Variants in RYR2 observed in about 807,000 individuals in gnomAD.
The protein encoded by RYR2 is cardiac muscle ryanodine receptor-calcium release channel.
Under a neutral mutation model 601.1 loss-of-function variants are expected in RYR2, and 227 were observed. That is an observed-to-expected ratio of 0.38 (90% CI 0.34 to 0.42). RYR2 has a LOEUF of 0.42. Ranked by LOEUF, RYR2 falls within the 10% of genes least tolerant of loss-of-function variation. RYR2 has a pLI of 1.00. For synonymous variants in RYR2, 2,223 were observed against 2,175.1 expected (o/e 1.02, Z -0.61); for missense variants, 4,646 against 6,156.5 (o/e 0.75, Z 8.21).
chr1:237,137,276 C>T (rs2148734958), intron 1 of RYR2, among the ~76,000 whole-genome samples: 1 of 152,246 alleles, frequency 6.6e-6, no homozygotes, highest in South Asian at 2.1e-4. Flanking sequence ...GTACTTACCC[C>T]TCCCATGGTC....
At position 237,610,823 on chromosome 1, in the gene RYR2, G is replaced by GC. The variant is rs766543639; in HGVS notation, c.4751dup (p.Arg1585AlafsTer29). The GC allele has an allele frequency of 1.2e-6, 2 of 1,612,148 alleles. No individual in the cohort carries two copies. The highest frequency in any genetic ancestry group is 1.7e-6 in the Non-Finnish European group (2 of 1,179,290). On this transcript the variant is annotated frameshift_variant, in exon 36 of 105. Transcript: ENST00000366574. LOFTEE classifies it high-confidence loss of function. This position sits in a 1 kb window ranked among gnomAD's most constrained non-coding sequence, Gnocchi z 4.9. ...GAGCACAAGAACCCCGTGCCGCAGT[G>GC]CCCCCCGCGCCTCCACGTGCAGTTC... is the stretch of plus-strand genomic sequence containing the variant.
chr1:237,503,140 A>C, intron 21 of RYR2, 149 bp from the exon 22 acceptor site: 1 of 649,370 alleles, frequency 1.5e-6, no homozygotes, highest in Non-Finnish European at 2.6e-6. Flanking sequence ...CTTGAATTCT[A>C]AGGTGATCAC....
chr1:237,505,588 C>G (rs919415665), intron 22 of RYR2, among the ~76,000 whole-genome samples: 3 of 152,090 alleles, frequency 2.0e-5, no homozygotes, highest in Admixed American at 2.0e-4. Flanking sequence ...ATAGTGCAAC[C>G]TAAGTTTATA....
At chr1:237,508,804 G>A (rs892275925) in intron 23 of RYR2, among the ~76,000 whole-genome samples, 49 of 144,810 alleles carry the variant, frequency 3.4e-4, no homozygotes, top group African/African-American at 1.0e-3. Context: ...GTGCAGTGGC[G>A]GGATCTCGGC....
At chr1:237,579,335 C>G (rs865959450) in intron 29 of RYR2, among the ~76,000 whole-genome samples, 2 of 143,428 alleles carry the variant, frequency 1.4e-5, no homozygotes, top group Middle Eastern at 3.9e-3. Context: ...TGGCTCACTG[C>G]AACCCCCGCC....
At position 237,795,797 on chromosome 1, in the gene RYR2, C is replaced by T. The variant is rs536192807; in HGVS notation, c.13956+466C>T. On this transcript the variant is annotated intron_variant, in intron 96 of 104. Transcript: ENST00000366574. ...CACATAATGGCCGGGCGCGGTGGCTCACGCCTGTATGTATATACAGGTATG... is the reference window on the plus strand; with the variant it reads ...CACATAATGGCCGGGCGCGGTGGCTTACGCCTGTATGTATATACAGGTATG... Among the ~76,000 whole-genome samples the T allele has an allele frequency of 1.8e-3, 265 of 147,350 alleles. 3 individuals are homozygous for T. The highest frequency in any genetic ancestry group is 2.9e-3 in the Non-Finnish European group (193 of 67,074).
At chr1:237,476,028 A>T (rs1661356097) in intron 17 of RYR2, among the ~76,000 whole-genome samples, 1 of 152,202 alleles carries the variant, frequency 6.6e-6, no homozygotes, top group Non-Finnish European at 1.5e-5. Context: ...TTTGGGGGCA[A>T]GAGATAGCTG....
intron 29 of RYR2, among the ~76,000 whole-genome samples, chr1:237,571,397 C>T (rs2779406): frequency 0.34 from 51,615 of 150,234 alleles, 10,620 homozygotes; most frequent in Admixed American, 0.46. Flanking sequence ...TCACTGCAAC[C>T]TCCGCCTCCC....
chr1:237,423,206 A>T lies in RYR2; in HGVS notation c.963A>T (p.Lys321Asn), dbSNP rs794728717. 6.2e-7 allele frequency: 1 copy of T among 1,613,792 alleles called. No homozygotes were observed. The highest frequency in any genetic ancestry group is 8.5e-7 in the Non-Finnish European group (1 of 1,179,806). The change falls in exon 12 of 105, where the codon AAA becomes AAT. Residue 321 changes from lysine to asparagine, a missense_variant. Physicochemically the swap from Lys to Asn is moderately conservative, Grantham distance 94. This residue lies in a region of RYR2 where 1,807 missense variants were observed against 2,088.1 expected (regional missense o/e 0.87). Transcript: ENST00000366574. ...ACCTTCTACTCATGGACAAAGAGAA[A>T]GCTGATGTAAAATCAACAGCATTTA... Reference protein sequence around the residue: ...DKNLLLMDKEKADVKSTAFTF... With the variant: ...DKNLLLMDKENADVKSTAFTF...
intron 61 of RYR2, among the ~76,000 whole-genome samples, chr1:237,679,205 C>T (rs543388976): frequency 1.3e-5 from 2 of 152,286 alleles, no homozygotes; most frequent in Middle Eastern, 3.4e-3. Context: ...ATGCTGTATT[C>T]GCAGCCTCTA....
At chr1:237,544,848 T>A (rs1227463518) in intron 25 of RYR2, among the ~76,000 whole-genome samples, 2 of 152,208 alleles carry the variant, frequency 1.3e-5, no homozygotes, top group Non-Finnish European at 2.9e-5. Flanking sequence ...GAAACATTCA[T>A]GATGTCAATA....
At chr1:237,121,746 G>T (rs1001414135) in intron 1 of RYR2, among the ~76,000 whole-genome samples, 3 of 152,184 alleles carry the variant, frequency 2.0e-5, no homozygotes, top group African/African-American at 7.2e-5. Flanking sequence ...GGCCACCATG[G>T]GTTCCTTGGG....
chr1:237,191,719 A>G (rs1679986172), intron 1 of RYR2, among the ~76,000 whole-genome samples: 1 of 152,226 alleles, frequency 6.6e-6, no homozygotes, highest in South Asian at 2.1e-4. Flanking sequence ...ACTTCATTTA[A>G]TGATCTAAAC....
At chr1:237,096,457 G>A (rs903979792) in intron 1 of RYR2, among the ~76,000 whole-genome samples, 1 of 152,166 alleles carries the variant, frequency 6.6e-6, no homozygotes, top group Admixed American at 6.5e-5. Context: ...ATAGGTGGCG[G>A]ATAACAAGAC....
chr1:237,328,012 C>T (rs916613641), intron 2 of RYR2, among the ~76,000 whole-genome samples: 2 of 152,222 alleles, frequency 1.3e-5, no homozygotes, highest in Non-Finnish European at 2.9e-5. Flanking sequence ...ACGCTGGAAA[C>T]AGCTCTTAGA....
chr1:237,832,659 A>G lies in RYR2; in HGVS notation c.*12A>G, dbSNP rs775304942. 16 of 1,572,616 alleles carry G rather than the reference A, an allele frequency of 1.0e-5. No homozygotes were observed. The highest frequency in any genetic ancestry group is 1.2e-5 in the Non-Finnish European group (14 of 1,144,574). ...ACCAGCTAAATTAAACTCAGACCCA[A>G]TCACCTCTAAAAACCAAAACCCTAC... On this transcript the variant is annotated 3_prime_UTR_variant, in exon 105 of 105. Transcript: ENST00000366574.
chr1:237,753,137 C>G (rs960487364), intron 80 of RYR2, among the ~76,000 whole-genome samples: 12 of 152,302 alleles, frequency 7.9e-5, no homozygotes, highest in African/African-American at 2.4e-4. Context: ...AATTCCTTTC[C>G]TGTAACCAGG....
At chr1:237,579,642 T>G (rs1483839130) in intron 29 of RYR2, among the ~76,000 whole-genome samples, 1 of 152,170 alleles carries the variant, frequency 6.6e-6, no homozygotes, top group Non-Finnish European at 1.5e-5. Flanking sequence ...AGTGCATTCT[T>G]GAGCTCCTAT....
intron 29 of RYR2, among the ~76,000 whole-genome samples, chr1:237,571,384 G>A (rs566934280): frequency 6.8e-6 from 1 of 147,824 alleles, no homozygotes; most frequent in South Asian, 2.1e-4. Context: ...GCGCGATCTT[G>A]ACTCACTGCA....
Sources: allele counts gnomAD v4.1 joint callset (sites outside exome capture counted in the v4.1 genomes callset), GRCh38; gene constraint gnomAD v4.1.1; regional missense constraint gnomAD v4.1.1; non-coding constraint Gnocchi (gnomAD v3.1); transcripts MANE v1.5; gene names NCBI Gene and HGNC (gene_info 2026-07-23, HGNC 2026-07-21).